Variants in EDIL3 observed in about 807,000 individuals in gnomAD.
The protein encoded by EDIL3 is EGF like and discoidin domains 3, also known as EGF-like repeat and discoidin I-like domain-containing protein 3.
A neutral mutation model predicts 67.4 loss-of-function variants in EDIL3; 37 were observed. That is an observed-to-expected ratio of 0.55 (90% CI 0.42 to 0.72). The LOEUF (loss-of-function observed/expected upper bound fraction) is 0.72, where lower values mean the gene tolerates loss of function less well. Among genes scored for constraint, EDIL3 ranks in the 30% least tolerant of loss-of-function variants. The probability of loss-of-function intolerance (pLI) is 0.00; values close to 1 mark genes in which losing one functional copy is unlikely to be tolerated. For missense variants in EDIL3, 527 were observed against 586.3 expected, an observed-to-expected ratio of 0.90 and a Z score of 1.04; for synonymous variants, 195 against 196.3, an observed-to-expected ratio of 0.99 and a Z score of 0.05.
chr5:84,331,829 CA>C (rs1328286400), intron 1 of EDIL3, among the ~76,000 whole-genome samples: 5 of 152,058 alleles, frequency 3.3e-5, no homozygotes, highest in Non-Finnish European at 7.3e-5. Context: ...TGTACATATT[CA>C]GAACAAAACC....
At chr5:84,314,478 T>A (rs957973925) in intron 1 of EDIL3, among the ~76,000 whole-genome samples, 6 of 152,240 alleles carry the variant, frequency 3.9e-5, no homozygotes, top group Non-Finnish European at 1.5e-5. Flanking sequence ...AAGGAAAGTC[T>A]ATTTTAGGCT....
chr5:84,329,208 G>A (rs149474459), intron 1 of EDIL3, among the ~76,000 whole-genome samples: 3 of 152,140 alleles, frequency 2.0e-5, no homozygotes, highest in African/African-American at 4.8e-5. Flanking sequence ...GCAATTGCAT[G>A]GTTTGAAAAC....
intron 2 of EDIL3, among the ~76,000 whole-genome samples, chr5:84,253,745 C>G (rs1034128311): frequency 1.3e-5 from 2 of 151,734 alleles, no homozygotes; most frequent in Non-Finnish European, 2.9e-5. Flanking sequence ...GATAATTTAA[C>G]TTGAATAAAT....
chr5:84,291,683 G>T (rs1372598867), intron 1 of EDIL3, among the ~76,000 whole-genome samples: 3 of 144,674 alleles, frequency 2.1e-5, no homozygotes, highest in Non-Finnish European at 3.0e-5. Flanking sequence ...TATCTATATA[G>T]ATATATCTAT....
intron 1 of EDIL3, among the ~76,000 whole-genome samples, chr5:84,268,361 C>T (rs1399950255): frequency 2.6e-5 from 4 of 152,068 alleles, no homozygotes; most frequent in Admixed American, 1.3e-4. Flanking sequence ...AAACACCAGT[C>T]CTTTCTGAAT....
chr5:84,163,022 A>C (rs1748642057), intron 4 of EDIL3, among the ~76,000 whole-genome samples: 1 of 152,164 alleles, frequency 6.6e-6, no homozygotes, highest in African/African-American at 2.4e-5. Context: ...TATTTTTAAA[A>C]GTAAATATTT....
Position 84,244,245 on chromosome 5 carries a change from G to T in EDIL3, c.196+9839C>A, listed in dbSNP as rs142415571. Among the ~76,000 whole-genome samples, 63 of 152,210 alleles carry T rather than the reference G, an allele frequency of 4.1e-4. 1 individual carries two copies. The highest frequency in any genetic ancestry group is 1.5e-3 in the African/African-American group (63 of 41,536). On this transcript the variant is annotated intron_variant, in intron 2 of 10. Transcript: ENST00000296591. ...CAGCAGGAGTCTGTAAAATTTTCAAGAAATTAATCCAACCTATCAAAACAC... is the reference window on the plus strand; with the variant it reads ...CAGCAGGAGTCTGTAAAATTTTCAATAAATTAATCCAACCTATCAAAACAC...
intron 9 of EDIL3, among the ~76,000 whole-genome samples, chr5:83,967,060 C>T (rs560263561): frequency 2.6e-5 from 4 of 152,162 alleles, no homozygotes; most frequent in African/African-American, 7.2e-5. Flanking sequence ...TGGTGGCTCA[C>T]GCTTGTAATC....
intron 1 of EDIL3, among the ~76,000 whole-genome samples, chr5:84,377,459 T>C (rs1747992419): frequency 6.6e-6 from 1 of 152,212 alleles, no homozygotes; most frequent in South Asian, 2.1e-4. Context: ...TCAATTGTTT[T>C]GGACTTTCCT....
chr5:84,014,312 G>A (rs575297007), intron 9 of EDIL3, among the ~76,000 whole-genome samples: 2 of 152,286 alleles, frequency 1.3e-5, no homozygotes, highest in African/African-American at 4.8e-5. Context: ...TAGCATGGAA[G>A]TGTTGTATCA....
At chr5:83,948,944 A>G (rs868454310) in intron 10 of EDIL3, among the ~76,000 whole-genome samples, 2 of 151,986 alleles carry the variant, frequency 1.3e-5, no homozygotes, top group Non-Finnish European at 1.5e-5. Flanking sequence ...CCTCAATATG[A>G]GTACATTCTT....
intron 9 of EDIL3, among the ~76,000 whole-genome samples, chr5:84,013,916 T>C (rs1745556761): frequency 6.6e-6 from 1 of 152,180 alleles, no homozygotes; most frequent in Admixed American, 6.5e-5. Context: ...ATCATATAGA[T>C]TGAATTGTAG....
intron 1 of EDIL3, among the ~76,000 whole-genome samples, chr5:84,350,267 A>G (rs377314802): frequency 1.3e-5 from 2 of 152,226 alleles, no homozygotes. Flanking sequence ...GCCCAGAATA[A>G]CATTAATATT....
At chr5:84,175,926 G>A (rs1290297604) in intron 4 of EDIL3, among the ~76,000 whole-genome samples, 1 of 151,808 alleles carries the variant, frequency 6.6e-6, no homozygotes, top group Non-Finnish European at 1.5e-5. Context: ...AGAAGACAAA[G>A]CACGTAATTG....
At chr5:84,078,736 T>A (rs1746909637) in intron 6 of EDIL3, 1 of 152,134 alleles carries the variant, frequency 6.6e-6, no homozygotes, top group Non-Finnish European at 1.5e-5. Context: ...CTCCTTTACT[T>A]CTCTATTCTC....
chr5:84,314,639 T>C (rs1177773587), intron 1 of EDIL3, among the ~76,000 whole-genome samples: 1 of 152,184 alleles, frequency 6.6e-6, no homozygotes, highest in South Asian at 2.1e-4. Context: ...TGAAGATAAA[T>C]TGTCATAATT....
intron 3 of EDIL3, among the ~76,000 whole-genome samples, chr5:84,220,570 C>G (rs186062231): frequency 1.9e-4 from 29 of 152,002 alleles, no homozygotes; most frequent in African/African-American, 7.0e-4. Context: ...GATGTTATGA[C>G]CATGATTTCC....
chr5:84,239,532 T>C (rs1744755503), intron 2 of EDIL3, among the ~76,000 whole-genome samples: 1 of 152,156 alleles, frequency 6.6e-6, no homozygotes, highest in Non-Finnish European at 1.5e-5. Flanking sequence ...ACATGTATGT[T>C]TATTGCGGCA....
intron 1 of EDIL3, among the ~76,000 whole-genome samples, chr5:84,371,448 TATAGAGAGAG>T (rs1485314736): frequency 0.018 from 1,678 of 93,222 alleles, 18 homozygotes; most frequent in Middle Eastern, 0.054. Context: ...TATATATATA[TATAGAGAGAG>T]AGAGAGAGAG....
Sources: gnomAD v4.1 joint callset for allele counts (sites outside exome capture counted in the v4.1 genomes callset) on GRCh38, gnomAD v4.1.1 for gene constraint, MANE v1.5 for transcripts, NCBI Gene and HGNC (gene_info 2026-07-23, HGNC 2026-07-21) for gene names.